Variants in DPF1 observed in about 807,000 individuals in gnomAD.
DPF1 encodes zinc finger protein neuro-d4.
DPF1 carries 14 observed loss-of-function variants against 58.7 expected under a neutral mutation model. That is an observed-to-expected ratio of 0.24 (90% CI 0.16 to 0.37). The LOEUF is 0.37. Ranked by LOEUF, DPF1 falls within the 10% of genes least tolerant of loss-of-function variation. The pLI is 1.00. For synonymous variants in DPF1, 216 were observed against 216.0 expected (o/e 1.00, Z 0.00); for missense variants, 345 against 529.9 (o/e 0.65, Z 3.43).
At chr19:38,217,341 A>C in intron 7 of DPF1, 119 bp downstream of exon 7, 4 of 1,362,530 alleles carry the variant, frequency 2.9e-6, no homozygotes, top group Non-Finnish European at 3.9e-6. Context: ...GGGGGGAGGG[A>C]ACGGCTGAGC....
intron 10 of DPF1, 119 bp downstream of exon 10, chr19:38,213,525 A>G: frequency 1.2e-6 from 1 of 817,146 alleles, no homozygotes; most frequent in Non-Finnish European, 2.0e-6. Context: ...CATAATGATA[A>G]CACAGGGGAC....
At position 38,212,378 on chromosome 19, in the gene DPF1, G is replaced by A. The variant is rs779196572; in HGVS notation, c.1012-17C>T. On this transcript the variant is annotated splice_polypyrimidine_tract_variant and intron_variant, in intron 10 of 11. Coordinates refer to ENST00000355526, the MANE Select transcript of DPF1 (RefSeq NM_001135155.3). The stretch of plus-strand genomic sequence containing the variant: ...CAGCTGGTCCTGGGGGGTGAGACCC[G>A]CCCAGCTGGCACCCTGGGGGCACGG... The A allele has an allele frequency of 5.7e-6, 8 of 1,396,268 alleles. No homozygotes were observed. The highest frequency in any genetic ancestry group is 5.7e-5 in the East Asian group (2 of 35,040). The allele number at this position is 1,396,268 out of a possible 1,614,324, so 86.5% of individuals were successfully genotyped here.
At chr19:38,216,517 GT>G in intron 7 of DPF1, 114 bp from the exon 8 acceptor site, 6 of 1,257,336 alleles carry the variant, frequency 4.8e-6, no homozygotes, top group Non-Finnish European at 6.4e-6. Flanking sequence ...GCTGGGAAGA[GT>G]GAGTAGCTAC....
At chr19:38,218,464 TGAG>T (rs1416741089) in intron 5 of DPF1, 106 bp downstream of exon 5, 1 of 1,153,742 alleles carries the variant, frequency 8.7e-7, no homozygotes, top group African/African-American at 1.5e-5. Flanking sequence ...GGGGATTCAA[TGAG>T]GTCAGACTGA....
chr19:38,224,815 G>A (rs1242303140), upstream of DPF1, among the ~76,000 whole-genome samples: 1 of 152,218 alleles, frequency 6.6e-6, no homozygotes, highest in African/African-American at 2.4e-5. This position sits in a 1 kb window ranked among gnomAD's most constrained non-coding sequence, Gnocchi z 4.5. Flanking sequence ...TCAAATCCTA[G>A]CTCTGCCACT....
In DPF1 at chr19:38,216,247, G is replaced by C; in HGVS notation, c.791C>G (p.Pro264Arg). The change falls in exon 9 of 12, where the codon CCC becomes CGC. Residue 264 changes from proline (P) to arginine (R), a missense_variant. Transcript: ENST00000355526. ...GCCGTTGGGGATGACAGTGCCGTCG[G>C]GCGCCTTCTTGGCTGCAAGACAGCA... is the stretch of plus-strand genomic sequence containing the variant. Reference protein sequence around the residue: ...AQRKHTAKKAPDGTVIPNGYC... With the variant: ...AQRKHTAKKARDGTVIPNGYC... The C allele has an allele frequency of 6.2e-7, 1 of 1,614,172 alleles. No homozygotes were observed. The highest frequency in any genetic ancestry group is 8.5e-7 in the Non-Finnish European group (1 of 1,179,992).
chr19:38,217,931 T>C (rs1261245339), intron 5 of DPF1, 55 bp from the exon 6 acceptor site: 6 of 1,590,508 alleles, frequency 3.8e-6, no homozygotes, highest in Non-Finnish European at 4.3e-6. Flanking sequence ...AGGCCAGGCG[T>C]GGTGGCTCAC....
intron 7 of DPF1, among the ~76,000 whole-genome samples, chr19:38,217,004 C>T (rs962501188): frequency 2.6e-5 from 4 of 152,234 alleles, no homozygotes; most frequent in African/African-American, 9.6e-5. Flanking sequence ...GCCTCTGCCT[C>T]TGAGAGATAG....
chr19:38,218,880 G>A, intron 4 of DPF1, 51 bp downstream of exon 4: 2 of 1,606,538 alleles, frequency 1.2e-6, no homozygotes, highest in Non-Finnish European at 1.7e-6. Context: ...CTGGTGGCAG[G>A]CAGGGGTGAG....
upstream of DPF1, among the ~76,000 whole-genome samples, chr19:38,224,653 GC>G (rs1471674111): frequency 1.3e-5 from 2 of 150,762 alleles, no homozygotes; most frequent in African/African-American, 2.4e-5. The surrounding 1 kb of genome is among the most constrained non-coding windows in gnomAD (Gnocchi z 4.5). Flanking sequence ...CCCCCTCACC[GC>G]CCCCCACCCA....
At chr19:38,223,883 C>T in intron 1 of DPF1, 2 of 453,636 alleles carry the variant, frequency 4.4e-6, no homozygotes, top group Non-Finnish European at 3.6e-6. Flanking sequence ...GTCTCCCTTC[C>T]CCAAAAAGAA....
In DPF1 at chr19:38,213,775, G is replaced by C. The variant is rs1600235093; in HGVS notation, c.899-19C>G. On this transcript the variant is annotated intron_variant, in intron 9 of 11. Coordinates refer to ENST00000355526, the MANE Select transcript of DPF1 (RefSeq NM_001135155.3). ...GGGTGTCCTGGGGGCCAAGGGGCAG[G>C]GGTGCAGTTAGGAGGTCACCGTGCC... 6.2e-7 allele frequency: 1 copy of C among 1,608,056 alleles called. No individual in the cohort carries two copies. The highest frequency in any genetic ancestry group is 1.3e-5 in the African/African-American group (1 of 74,908).
Position 38,222,259 on chromosome 19 carries a change from G to C in DPF1, c.298+98C>G. 1 of 1,086,092 alleles carries C rather than the reference G, an allele frequency of 9.2e-7. No homozygotes were observed. Among genetic ancestry groups the C allele is most frequent in the Non-Finnish European group, 1.3e-6 (1 of 749,058 alleles). 67.3% of individuals were successfully genotyped at this position (1,086,092 alleles called of 1,614,324 possible). A position where few individuals can be genotyped will look rare whatever the true frequency, so the allele number is the denominator to read the frequency against. On this transcript the variant is annotated intron_variant, in intron 3 of 11. Coordinates refer to ENST00000355526, the MANE Select transcript of DPF1 (RefSeq NM_001135155.3). This position sits in a 1 kb window ranked among gnomAD's most constrained non-coding sequence, Gnocchi z 4.9. The stretch of plus-strand genomic sequence containing the variant: ...GGGCAGACAGACACACAGCCAGCCA[G>C]GCAGACACTTGCTAGAAGGCGATAA...
Position 38,222,913 on chromosome 19 carries a change from A to C in DPF1, c.30-205T>G. Reference sequence around the variant, plus strand: ...GGGGCCCCCAAACTGGGACTCAAACAGGCCCCCAGCTCATGAGTAGAAACA... The same window carrying C: ...GGGGCCCCCAAACTGGGACTCAAACCGGCCCCCAGCTCATGAGTAGAAACA... On this transcript the variant is annotated intron_variant, in intron 1 of 11. Coordinates refer to ENST00000355526, the MANE Select transcript of DPF1 (RefSeq NM_001135155.3). This position sits in a 1 kb window ranked among gnomAD's most constrained non-coding sequence, Gnocchi z 4.9. 1.6e-6 allele frequency: 1 copy of C among 607,126 alleles called. No homozygotes were observed. Among genetic ancestry groups the C allele is most frequent in the Non-Finnish European group, 2.7e-6 (1 of 372,170 alleles). The allele number at this position is 607,126 out of a possible 1,614,324, so 37.6% of individuals were successfully genotyped here. A position where few individuals can be genotyped will look rare whatever the true frequency, so the allele number is the denominator to read the frequency against.
intron 7 of DPF1, 131 bp downstream of exon 7, chr19:38,217,329 G>C (rs1967094045): frequency 7.8e-7 from 1 of 1,278,216 alleles, no homozygotes; most frequent in African/African-American, 1.5e-5. Flanking sequence ...CCCATGGTCG[G>C]TGGGGGGAGG....
chr19:38,226,879 G>A (rs1967845980), upstream of DPF1, among the ~76,000 whole-genome samples: 1 of 152,068 alleles, frequency 6.6e-6, no homozygotes. Context: ...AAACTCTCAT[G>A]TCGATTTGAT....
intron 4 of DPF1, 21 bp downstream of exon 4, chr19:38,218,910 G>C: frequency 6.2e-7 from 1 of 1,613,388 alleles, no homozygotes; most frequent in Non-Finnish European, 8.5e-7. Flanking sequence ...TGCAGCGGGG[G>C]TCCCCCAGAG....
intron 9 of DPF1, among the ~76,000 whole-genome samples, chr19:38,214,216 C>A (rs1459682187): frequency 1.3e-5 from 2 of 152,210 alleles, no homozygotes; most frequent in Admixed American, 6.5e-5. Flanking sequence ...CCCCACACTT[C>A]GGTTTCATGC....
At chr19:38,226,538 A>ACACACACACACC (rs1181984493), upstream of DPF1, among the ~76,000 whole-genome samples, 3 of 144,844 alleles carry the variant, frequency 2.1e-5, no homozygotes, top group Non-Finnish European at 3.0e-5. Context: ...ACACACACAC[A>ACACACACACACC]CTCCTCTAGT....
Sources: gnomAD v4.1 joint callset for allele counts (sites outside exome capture counted in the v4.1 genomes callset) on GRCh38, gnomAD v4.1.1 for gene constraint, Gnocchi (gnomAD v3.1) non-coding constraint, MANE v1.5 for transcripts, NCBI Gene and HGNC (gene_info 2026-07-23, HGNC 2026-07-21) for gene names.